The following ANKRD17 variants were observed in gnomAD, a reference collection of about 807,000 sequenced individuals.
ANKRD17 encodes ankyrin repeat domain-containing protein 17.
In ANKRD17, 19 loss-of-function variants were observed where a neutral mutation model predicts 229.7. The observed-to-expected ratio is 0.08, with a 90% CI of 0.06 to 0.12. The LOEUF is 0.12. Among genes scored for constraint, ANKRD17 ranks in the 10% least tolerant of loss-of-function variants. The pLI, the probability that ANKRD17 is intolerant of heterozygous loss-of-function variation, is 1.00. For synonymous variants in ANKRD17, 1,112 were observed against 1,146.1 expected (o/e 0.97, Z 0.60); for missense variants, 2,176 against 3,176.8 (o/e 0.68, Z 7.57).
intron 2 of ANKRD17, 71 bp downstream of exon 2, chr4:73,177,309 C>A: frequency 1.5e-6 from 2 of 1,334,406 alleles, no homozygotes; most frequent in Admixed American, 2.6e-5. Context: ...TCATTTTTAA[C>A]AAGAGCTTTT....
Position 73,161,329 on chromosome 4 carries a change from C to A in ANKRD17, c.567G>T (p.Thr189=). The A allele has an allele frequency of 6.2e-7, 1 of 1,614,130 alleles. No homozygotes were observed. Among genetic ancestry groups the A allele is most frequent in the Non-Finnish European group, 8.5e-7 (1 of 1,180,014 alleles). ...GATCTGCAAAGGCTTTACCATCAGC[C>A]GTGGACAATTTTCCTATTCCTATTA... ...LEAAGIGKLS[T]ADGKAFADPE... Residue 189 remains threonine (T), a synonymous_variant, in exon 3 of 34, where the codon ACG becomes ACT. Transcript: ENST00000358602.
chr4:73,198,081 T>A (rs1300340686), intron 1 of ANKRD17, among the ~76,000 whole-genome samples: 1 of 152,088 alleles, frequency 6.6e-6, no homozygotes, highest in Non-Finnish European at 1.5e-5. Context: ...AAAAACTTTT[T>A]AAAAAAATTA....
chr4:73,161,638 C>T (rs1222213713), intron 2 of ANKRD17, among the ~76,000 whole-genome samples: 1 of 152,136 alleles, frequency 6.6e-6, no homozygotes, highest in African/African-American at 2.4e-5. Context: ...TCTGAAAGAA[C>T]GTATATTCAA....
At chr4:73,189,232 C>A (rs1736701296) in intron 1 of ANKRD17, among the ~76,000 whole-genome samples, 1 of 151,750 alleles carries the variant, frequency 6.6e-6, no homozygotes, top group African/African-American at 2.4e-5. Flanking sequence ...CAACAAAAAC[C>A]CAATAGCAAA....
intron 1 of ANKRD17, among the ~76,000 whole-genome samples, chr4:73,237,444 C>G (rs1292629273): frequency 6.6e-6 from 1 of 152,194 alleles, no homozygotes; most frequent in Non-Finnish European, 1.5e-5. Context: ...GTCCTTCGAT[C>G]TGGCCAAGAG....
At chr4:73,099,691 T>G (rs1234095057) in intron 25 of ANKRD17, among the ~76,000 whole-genome samples, 1 of 152,146 alleles carries the variant, frequency 6.6e-6, no homozygotes, top group Non-Finnish European at 1.5e-5. Context: ...CAAACTGTGT[T>G]TGTCACTATG....
At chr4:73,109,429 T>C (rs912300478) in intron 24 of ANKRD17, among the ~76,000 whole-genome samples, 2 of 151,952 alleles carry the variant, frequency 1.3e-5, no homozygotes, top group Non-Finnish European at 2.9e-5. Context: ...TCATTAAAGG[T>C]AAAGAAGAGG....
intron 11 of ANKRD17, among the ~76,000 whole-genome samples, chr4:73,144,045 CTT>C (rs1729931721): frequency 6.6e-6 from 1 of 152,144 alleles, no homozygotes; most frequent in African/African-American, 2.4e-5. Flanking sequence ...CTGGCTTCCT[CTT>C]TCTTTTATCA....
chr4:73,211,707 C>T (rs1022491559), intron 1 of ANKRD17, among the ~76,000 whole-genome samples: 7 of 151,770 alleles, frequency 4.6e-5, no homozygotes, highest in African/African-American at 1.7e-4. Flanking sequence ...ATTAGCTGGG[C>T]GTGGTGGCAG....
At position 73,197,574 on chromosome 4, in the gene ANKRD17, A is replaced by C. The variant is rs113976895; in HGVS notation, c.394-20041T>G. ...GCCAGGTGCCATGGCTCATGTCTGT[A>C]ATCCCTGCACTTTGGGAAGCTGAGG... On this transcript the variant is annotated intron_variant, in intron 1 of 33. Coordinates refer to ENST00000358602, the MANE Select transcript of ANKRD17 (RefSeq NM_032217.5). 6.4e-3 allele frequency among the ~76,000 whole-genome samples: 973 copies of C among 152,326 alleles called. 13 individuals are homozygous for C. The highest frequency in any genetic ancestry group is 0.022 in the African/African-American group (927 of 41,564).
intron 1 of ANKRD17, among the ~76,000 whole-genome samples, chr4:73,188,349 G>C (rs1348293947): frequency 6.6e-6 from 1 of 152,116 alleles, no homozygotes; most frequent in Admixed American, 6.5e-5. Flanking sequence ...CATTTTGGGA[G>C]GCCAAGGTAG....
chr4:73,076,862 T>G, intron 33 of ANKRD17, 78 bp downstream of exon 33: 190 of 1,478,918 alleles, frequency 1.3e-4, no homozygotes, highest in Non-Finnish European at 1.6e-4. Flanking sequence ...CTTGCTATCA[T>G]GAGTTACCTG....
At chr4:73,200,145 A>T (rs563527438) in intron 1 of ANKRD17, among the ~76,000 whole-genome samples, 1 of 152,286 alleles carries the variant, frequency 6.6e-6, no homozygotes, top group South Asian at 2.1e-4. Context: ...CCCCATCTGA[A>T]ATTTTTTATA....
At chr4:73,186,393 A>G (rs998463801) in intron 1 of ANKRD17, among the ~76,000 whole-genome samples, 1 of 152,160 alleles carries the variant, frequency 6.6e-6, no homozygotes, top group Non-Finnish European at 1.5e-5. Flanking sequence ...TCAATGATTC[A>G]TTATGGTATT....
At chr4:73,093,307 T>C (rs1271959336) in intron 28 of ANKRD17, among the ~76,000 whole-genome samples, 1 of 151,836 alleles carries the variant, frequency 6.6e-6, no homozygotes, top group Non-Finnish European at 1.5e-5. Context: ...TATTCAGGCA[T>C]AGACATATTC....
At chr4:73,236,447 C>A (rs547490222) in intron 1 of ANKRD17, among the ~76,000 whole-genome samples, 1 of 152,142 alleles carries the variant, frequency 6.6e-6, no homozygotes, top group Admixed American at 6.6e-5. Context: ...CTGCAACCAG[C>A]CTGAAATCCA....
chr4:73,104,154 C>T (rs113369441), intron 24 of ANKRD17: 111 of 152,220 alleles, frequency 7.3e-4, no homozygotes, highest in African/African-American at 2.5e-3. Context: ...GCATCGTAAC[C>T]CTGGAAATTT....
rs375133892 is a variant in ANKRD17, at chr4:73,097,233, T to C, written c.5061A>G (p.Leu1687=). 1.8e-5 allele frequency: 29 copies of C among 1,604,824 alleles called. No homozygotes were observed. Among genetic ancestry groups the C allele is most frequent in the East Asian group, 2.3e-5 (1 of 44,036 alleles). The part of the protein sequence containing the change: ...ETISEGTSNS[L]STCTKSGPSP... Reference sequence around the variant, plus strand: ...ATGGACCAGATTTTGTACAAGTAGATAGAGAATTACTGGTCCCTTCACTGA... The same window carrying C: ...ATGGACCAGATTTTGTACAAGTAGACAGAGAATTACTGGTCCCTTCACTGA... Residue 1687 remains leucine, a synonymous_variant, in exon 27 of 34, where the codon CTA becomes CTG. Coordinates refer to ENST00000358602, the MANE Select transcript of ANKRD17 (RefSeq NM_032217.5).
At chr4:73,251,486 G>A (rs924195327) in intron 1 of ANKRD17, among the ~76,000 whole-genome samples, 2 of 151,614 alleles carry the variant, frequency 1.3e-5, no homozygotes, top group African/African-American at 4.9e-5. Context: ...AAGGGTATTC[G>A]TATTTACCCA....
Sources: gnomAD v4.1 joint callset for allele counts (sites outside exome capture counted in the v4.1 genomes callset) on GRCh38, gnomAD v4.1.1 for gene constraint, MANE v1.5 for transcripts, NCBI Gene and HGNC (gene_info 2026-07-23, HGNC 2026-07-21) for gene names.